Variants in NRXN3 observed in about 807,000 individuals in gnomAD.
NRXN3 encodes neurexin III.
A neutral mutation model predicts 137.6 loss-of-function variants in NRXN3; 32 were observed. The observed-to-expected ratio is 0.23, with a 90% CI of 0.18 to 0.31. The LOEUF (loss-of-function observed/expected upper bound fraction) is 0.31, where lower values mean the gene tolerates loss of function less well. Ranked by LOEUF, NRXN3 falls within the 10% of genes least tolerant of loss-of-function variation. The pLI is 1.00. For missense variants in NRXN3, 1,574 were observed against 2,062.5 expected (o/e 0.76, Z 4.59); for synonymous variants, 798 against 784.5 (o/e 1.02, Z -0.29).
chr14:79,382,231 C>T (rs764877100), intron 15 of NRXN3, among the ~76,000 whole-genome samples: 21 of 152,116 alleles, frequency 1.4e-4, no homozygotes, highest in African/African-American at 3.9e-4. Flanking sequence ...CAACTGACTG[C>T]GGCCAGTTGT....
At chr14:78,503,133 T>C (rs1021839867) in intron 4 of NRXN3, among the ~76,000 whole-genome samples, 1 of 152,218 alleles carries the variant, frequency 6.6e-6, no homozygotes, top group Admixed American at 6.5e-5. Flanking sequence ...TAAATGACAT[T>C]ATTTGCAATC....
intron 19 of NRXN3, among the ~76,000 whole-genome samples, chr14:79,795,720 T>A (rs1006791182): frequency 2.0e-5 from 3 of 151,738 alleles, no homozygotes; most frequent in Non-Finnish European, 4.4e-5. Context: ...TGGGATATAC[T>A]TTTTTTTTCA....
chr14:79,635,946 A>G (rs1215113710), intron 16 of NRXN3, among the ~76,000 whole-genome samples: 4 of 152,058 alleles, frequency 2.6e-5, no homozygotes, highest in South Asian at 2.1e-4. Flanking sequence ...TGAGAACAGC[A>G]TGGGGGAAAC....
chr14:79,005,681 T>C (rs1255736681), intron 15 of NRXN3, among the ~76,000 whole-genome samples: 6 of 152,214 alleles, frequency 3.9e-5, no homozygotes, highest in African/African-American at 7.2e-5. Flanking sequence ...TGATTTGGGC[T>C]TACCTTCCTT....
At chr14:79,432,108 T>C (rs933703814) in intron 15 of NRXN3, among the ~76,000 whole-genome samples, 1 of 73,606 alleles carries the variant, frequency 1.4e-5, no homozygotes, top group African/African-American at 5.3e-5. Context: ...CTCAGTGTAA[T>C]ATCTCATCTC....
intron 8 of NRXN3, among the ~76,000 whole-genome samples, chr14:78,781,171 A>C (rs1051977835): frequency 2.6e-5 from 4 of 152,228 alleles, no homozygotes; most frequent in Non-Finnish European, 4.4e-5. Context: ...CTGAATATGC[A>C]AACTGATACT....
chr14:78,873,634 T>A (rs187585710), intron 10 of NRXN3, among the ~76,000 whole-genome samples: 70 of 152,224 alleles, frequency 4.6e-4, no homozygotes, highest in Admixed American at 4.1e-3. Flanking sequence ...CACAGGAAAT[T>A]TGAGGTTGAT....
intron 16 of NRXN3, among the ~76,000 whole-genome samples, chr14:79,491,628 G>A (rs774164572): frequency 6.6e-6 from 1 of 150,778 alleles, no homozygotes; most frequent in Non-Finnish European, 1.5e-5. Flanking sequence ...AAAAAGAAAT[G>A]GCTACTTTTC....
chr14:79,504,752 T>G (rs1165038399), intron 16 of NRXN3, among the ~76,000 whole-genome samples: 1 of 150,598 alleles, frequency 6.6e-6, no homozygotes, highest in Non-Finnish European at 1.5e-5. Flanking sequence ...TTTGGGTTTA[T>G]AAATCAAGAA....
In NRXN3 at chr14:79,427,915, C is replaced by A. The variant is rs545541158; in HGVS notation, c.3263-39306C>A. Among the ~76,000 whole-genome samples the A allele has an allele frequency of 5.3e-5, 8 of 152,228 alleles. No individual in the cohort carries two copies. In the East Asian group the frequency reaches 1.4e-3, roughly 26 times the overall value. The stretch of plus-strand genomic sequence containing the variant: ...GAATTGCTAAACTTTTCTAAGGGAC[C>A]AGGCACTGGCCTGAGTGCTACATCG... On this transcript the variant is annotated intron_variant, in intron 15 of 20. Transcript: ENST00000335750.
chr14:78,619,399 A>C (rs2097376697), intron 4 of NRXN3, among the ~76,000 whole-genome samples: 1 of 152,196 alleles, frequency 6.6e-6, no homozygotes, highest in African/African-American at 2.4e-5. Flanking sequence ...AATTAGGTTT[A>C]GATGAGGACA....
At chr14:79,701,634 A>T (rs73329973) in intron 19 of NRXN3, among the ~76,000 whole-genome samples, 3,701 of 152,124 alleles carry the variant, frequency 0.024, 164 homozygotes, top group African/African-American at 0.084. Context: ...TGCCAGTTTT[A>T]TATAGCCTGG....
chr14:79,109,394 A>G (rs1031628635), intron 15 of NRXN3, among the ~76,000 whole-genome samples: 1 of 152,232 alleles, frequency 6.6e-6, no homozygotes, highest in Non-Finnish European at 1.5e-5. Context: ...CAAATATTTC[A>G]GAATAATTTT....
intron 20 of NRXN3, among the ~76,000 whole-genome samples, chr14:79,854,608 C>A (rs867752776): frequency 6.6e-6 from 1 of 152,154 alleles, no homozygotes; most frequent in African/African-American, 2.4e-5. Flanking sequence ...AACTTTTTCA[C>A]CACCGTGTTT....
intron 4 of NRXN3, among the ~76,000 whole-genome samples, chr14:78,578,753 CTT>C (rs1213378437): frequency 6.6e-6 from 1 of 152,018 alleles, no homozygotes; most frequent in Non-Finnish European, 1.5e-5. Context: ...GTCTGTGAGA[CTT>C]TGCGGATCAC....
chr14:78,786,436 C>G (rs2098789525), intron 8 of NRXN3, among the ~76,000 whole-genome samples: 1 of 152,122 alleles, frequency 6.6e-6, no homozygotes, highest in Non-Finnish European at 1.5e-5. Flanking sequence ...AATTCAAATC[C>G]AGGGACAGTT....
chr14:79,653,922 G>GAGA (rs1183418120), intron 16 of NRXN3, among the ~76,000 whole-genome samples: 1 of 152,100 alleles, frequency 6.6e-6, no homozygotes, highest in Non-Finnish European at 1.5e-5. Context: ...ATCCACCTGT[G>GAGA]CACGTACTGC....
At chr14:79,338,678 T>G (rs2092424594) in intron 15 of NRXN3, among the ~76,000 whole-genome samples, 1 of 152,186 alleles carries the variant, frequency 6.6e-6, no homozygotes, top group African/African-American at 2.4e-5. Flanking sequence ...GAGTGCAAAA[T>G]TAATTTATCA....
chr14:79,330,515 G>T (rs2091523404), intron 15 of NRXN3, among the ~76,000 whole-genome samples: 1 of 152,136 alleles, frequency 6.6e-6, no homozygotes, highest in Admixed American at 6.5e-5. Flanking sequence ...TTAGGTGGCT[G>T]CAGAATTTTG....
Sources: allele counts gnomAD v4.1 joint callset (sites outside exome capture counted in the v4.1 genomes callset), GRCh38; gene constraint gnomAD v4.1.1; transcripts MANE v1.5; gene names NCBI Gene and HGNC (gene_info 2026-07-23, HGNC 2026-07-21).